RBMS3: variants seen among roughly 807,000 people sequenced by gnomAD.
RBMS3 encodes RNA-binding motif, single-stranded-interacting protein 3.
A neutral mutation model predicts 66.8 loss-of-function variants in RBMS3; 27 were observed. The ratio of observed to expected loss-of-function variants is 0.40; its 90% CI spans 0.30 to 0.56. RBMS3 has a LOEUF of 0.56. Ranked by LOEUF, RBMS3 falls within the 20% of genes least tolerant of loss-of-function variation. RBMS3 has a pLI of 0.40. For synonymous variants in RBMS3, 188 were observed against 183.0 expected, an observed-to-expected ratio of 1.03 and a Z score of -0.22; for missense variants, 513 against 549.5, an observed-to-expected ratio of 0.93 and a Z score of 0.66.
At chr3:29,859,572 A>C (rs757438503) in intron 6 of RBMS3, among the ~76,000 whole-genome samples, 7 of 152,232 alleles carry the variant, frequency 4.6e-5, no homozygotes, top group Admixed American at 3.9e-4. Flanking sequence ...AAAATTGTAT[A>C]GTTATATGGC....
chr3:29,603,826 T>C (rs2048231553), intron 4 of RBMS3, among the ~76,000 whole-genome samples: 1 of 151,982 alleles, frequency 6.6e-6, no homozygotes, highest in Non-Finnish European at 1.5e-5. Flanking sequence ...ACTATGTTAA[T>C]ACTGAAGCTA....
At chr3:29,718,322 A>T (rs1286059135) in intron 4 of RBMS3, among the ~76,000 whole-genome samples, 1 of 152,048 alleles carries the variant, frequency 6.6e-6, no homozygotes, top group African/African-American at 2.4e-5. Context: ...TTTTAAAATG[A>T]TACTGCTTTT....
At chr3:29,921,367 GT>G (rs201851943) in intron 10 of RBMS3, among the ~76,000 whole-genome samples, 5,436 of 151,654 alleles carry the variant, frequency 0.036, 113 homozygotes, top group African/African-American at 0.048. Context: ...ACCTGGTTTA[GT>G]TTTTTTTAAC....
At chr3:29,863,918 G>C (rs964518765) in intron 6 of RBMS3, among the ~76,000 whole-genome samples, 1 of 152,114 alleles carries the variant, frequency 6.6e-6, no homozygotes, top group African/African-American at 2.4e-5. Flanking sequence ...AACTCATTTA[G>C]AGAATTTTAT....
intron 3 of RBMS3, among the ~76,000 whole-genome samples, chr3:29,489,547 C>T (rs1575986155): frequency 6.6e-6 from 1 of 151,186 alleles, no homozygotes; most frequent in Middle Eastern, 3.4e-3. Context: ...TACTATATCA[C>T]CTTAATATAT....
intron 3 of RBMS3, among the ~76,000 whole-genome samples, chr3:29,511,449 T>A (rs2044405951): frequency 6.6e-6 from 1 of 152,214 alleles, no homozygotes; most frequent in Non-Finnish European, 1.5e-5. Context: ...ACTTTAATAT[T>A]CAGTATATAA....
chr3:29,953,297 G>A (rs185054599), intron 12 of RBMS3, among the ~76,000 whole-genome samples: 8 of 151,990 alleles, frequency 5.3e-5, no homozygotes, highest in Admixed American at 3.3e-4. Context: ...CGTCATTAAT[G>A]TTAGACAGAA....
intron 12 of RBMS3, among the ~76,000 whole-genome samples, chr3:29,980,476 C>T (rs1271183554): frequency 6.6e-6 from 1 of 152,142 alleles, no homozygotes; most frequent in Non-Finnish European, 1.5e-5. Flanking sequence ...GTTGCCATTG[C>T]TTTTGGTGTT....
At chr3:29,763,079 C>T (rs2055766689) in intron 6 of RBMS3, 90 bp downstream of exon 6, 4 of 845,384 alleles carry the variant, frequency 4.7e-6, no homozygotes, top group African/African-American at 1.8e-5. Context: ...TTGTTGATCA[C>T]TGCAGAGTTG....
At chr3:29,410,554 C>T (rs1363404279) in intron 1 of RBMS3, among the ~76,000 whole-genome samples, 2 of 152,158 alleles carry the variant, frequency 1.3e-5, no homozygotes, top group Non-Finnish European at 2.9e-5. Context: ...TGTCTGGTAC[C>T]ACCAACCTTA....
At position 29,868,455 on chromosome 3, in the gene RBMS3, T is replaced by G. The variant is rs538513535; in HGVS notation, c.638-403T>G. On this transcript the variant is annotated intron_variant, in intron 6 of 14. Transcript: ENST00000383767. ...CTTTTGAGAAAGAAGCTCCTAATCA[T>G]CTTTCCAAAATTGAATCCTTCAGTT... Among the ~76,000 whole-genome samples, 6 of 152,310 alleles carry G rather than the reference T, an allele frequency of 3.9e-5. No homozygotes were observed. In the East Asian group the frequency reaches 1.2e-3, roughly 29 times the overall value.
chr3:29,489,322 A>G (rs17023715), intron 3 of RBMS3, among the ~76,000 whole-genome samples: 4,515 of 152,248 alleles, frequency 0.03, 197 homozygotes, highest in African/African-American at 0.1. Context: ...ACTCCTGTAT[A>G]TGTATCTCCT....
chr3:29,860,095 T>C (rs906002438), intron 6 of RBMS3, among the ~76,000 whole-genome samples: 2 of 152,238 alleles, frequency 1.3e-5, no homozygotes, highest in Non-Finnish European at 2.9e-5. Flanking sequence ...GGTTCCAGCA[T>C]ACAGTTAGCT....
chr3:29,918,812 A>T (rs1011978660), intron 10 of RBMS3, among the ~76,000 whole-genome samples: 1 of 152,056 alleles, frequency 6.6e-6, no homozygotes, highest in African/African-American at 2.4e-5. Flanking sequence ...TTTTTATTTA[A>T]TTTTTTAAGA....
chr3:29,890,783 A>G (rs1412514504), intron 8 of RBMS3, among the ~76,000 whole-genome samples: 2 of 151,646 alleles, frequency 1.3e-5, no homozygotes, highest in Non-Finnish European at 1.5e-5. Flanking sequence ...ACAAGAAAGC[A>G]TGATGGTGAT....
chr3:29,908,813 A>G, intron 10 of RBMS3, among the ~76,000 whole-genome samples: 1 of 152,152 alleles, frequency 6.6e-6, no homozygotes, highest in East Asian at 1.9e-4. Flanking sequence ...ATAAGAAATA[A>G]TTTGTCCTCA....
chr3:29,713,638 A>C (rs1242312045), intron 4 of RBMS3, among the ~76,000 whole-genome samples: 1 of 152,166 alleles, frequency 6.6e-6, no homozygotes, highest in Non-Finnish European at 1.5e-5. Flanking sequence ...TCTAGCAACA[A>C]ATATGAGTAA....
Position 29,411,739 on chromosome 3 carries a change from A to G in RBMS3, c.76-23004A>G, listed in dbSNP as rs970987666. On this transcript the variant is annotated intron_variant, in intron 1 of 14. Transcript: ENST00000383767. ...AGTGTGCAAATAATTTTCTCTACTA[A>G]AGTTGGTAGCTATTTGCTACAAATA... 3.9e-5 allele frequency among the ~76,000 whole-genome samples: 6 copies of G among 152,194 alleles called. No individual in the cohort carries two copies. The East Asian group carries it at 1.2e-3, about 29-fold the overall frequency.
At chr3:29,937,480 C>A (rs1233275848) in intron 11 of RBMS3, among the ~76,000 whole-genome samples, 1 of 151,976 alleles carries the variant, frequency 6.6e-6, no homozygotes, top group Non-Finnish European at 1.5e-5. Context: ...TGAGAACTCA[C>A]TAATCTGTCC....
Sources: allele counts gnomAD v4.1 joint callset (sites outside exome capture counted in the v4.1 genomes callset), GRCh38; gene constraint gnomAD v4.1.1; transcripts MANE v1.5; gene names NCBI Gene and HGNC (gene_info 2026-07-23, HGNC 2026-07-21).